Variants in SI observed in about 807,000 individuals in gnomAD.
SI encodes the protein sucrase-isomaltase, intestinal.
In SI, 235 loss-of-function variants were observed where a neutral mutation model predicts 253.3. The observed-to-expected ratio is 0.93, with a 90% CI of 0.83 to 1.03. The LOEUF is 1.03. Among genes scored for constraint, SI ranks in the 50% least tolerant of loss-of-function variants. The pLI, the probability that SI is intolerant of heterozygous loss-of-function variation, is 0.00. For synonymous variants in SI, 819 were observed against 712.0 expected, an observed-to-expected ratio of 1.15 and a Z score of -2.39; for missense variants, 2,442 against 2,211.1, an observed-to-expected ratio of 1.10 and a Z score of -2.09.
At chr3:165,067,908 A>G (rs1714330990) in intron 5 of SI, among the ~76,000 whole-genome samples, 1 of 151,914 alleles carries the variant, frequency 6.6e-6, no homozygotes, top group Non-Finnish European at 1.5e-5. Context: ...AAAAAATTAT[A>G]GAAACTAAAA....
chr3:165,052,332 C>T (rs146118708), intron 13 of SI, among the ~76,000 whole-genome samples: 4 of 152,194 alleles, frequency 2.6e-5, no homozygotes, highest in South Asian at 2.1e-4. Flanking sequence ...AGGCAAAAGC[C>T]TCAGTGGACT....
At chr3:165,061,354 G>A (rs1487010887) in intron 9 of SI, among the ~76,000 whole-genome samples, 1 of 151,916 alleles carries the variant, frequency 6.6e-6, no homozygotes, top group Non-Finnish European at 1.5e-5. Context: ...AAGTCTATAT[G>A]TAGGCCAGCC....
chr3:165,046,726 A>C, intron 16 of SI, 115 bp downstream of exon 16: 1 of 867,016 alleles, frequency 1.2e-6, no homozygotes, highest in Non-Finnish European at 1.8e-6. Context: ...AAAATAAAAA[A>C]CTGAATTATT....
At chr3:165,059,515 T>C (rs567811615) in intron 10 of SI, among the ~76,000 whole-genome samples, 1 of 152,166 alleles carries the variant, frequency 6.6e-6, no homozygotes, top group South Asian at 2.1e-4. Context: ...TTCATATTTG[T>C]CAGTGATAAT....
intron 25 of SI, among the ~76,000 whole-genome samples, chr3:165,027,550 C>T (rs1319230191): frequency 6.6e-6 from 1 of 151,256 alleles, no homozygotes; most frequent in African/African-American, 2.4e-5. Flanking sequence ...TGCAAGAATC[C>T]TTAACAAAAT....
chr3:164,983,129 C>T (rs1717275684), intron 45 of SI, 78 bp from the exon 46 acceptor site: 4 of 1,373,542 alleles, frequency 2.9e-6, no homozygotes, highest in East Asian at 2.5e-5. Flanking sequence ...TACTTTGCTT[C>T]TCTTTCCCAG....
intron 37 of SI, among the ~76,000 whole-genome samples, chr3:165,002,098 T>C (rs973764039): frequency 2.2e-4 from 34 of 151,716 alleles, no homozygotes; most frequent in African/African-American, 7.2e-4. Context: ...TAATGAATAG[T>C]AGGTACTAAT....
intron 6 of SI, 127 bp downstream of exon 6, chr3:165,067,213 T>G (rs1714289611): frequency 1.5e-6 from 1 of 674,358 alleles, no homozygotes; most frequent in South Asian, 2.3e-5. Context: ...ACCGTAATTT[T>G]TATAAACCTA....
chr3:164,979,353 TG>T lies in SI; in HGVS notation c.*8del. The T allele has an allele frequency of 6.4e-7, 1 of 1,552,078 alleles. No individual in the cohort carries two copies. Among genetic ancestry groups the T allele is most frequent in the Non-Finnish European group, 8.9e-7 (1 of 1,125,410 alleles). On this transcript the variant is annotated 3_prime_UTR_variant, in exon 48 of 48. Coordinates refer to ENST00000264382, the MANE Select transcript of SI (RefSeq NM_001041.4). ...TTTTCCCATTGACAACTAAAATTGA[TG>T]GTGATCTTCATGACCAGTTGATTTC...
intron 44 of SI, 117 bp downstream of exon 44, chr3:164,991,236 G>T: frequency 9.2e-7 from 1 of 1,090,510 alleles, no homozygotes; most frequent in Non-Finnish European, 1.4e-6. Context: ...TGTTACTGAG[G>T]CAGGCTAATG....
intron 37 of SI, among the ~76,000 whole-genome samples, chr3:165,002,358 G>C (rs1718294302): frequency 6.6e-6 from 1 of 151,672 alleles, no homozygotes; most frequent in South Asian, 2.1e-4. Context: ...TTTGCCATTA[G>C]TGTCCATGAT....
upstream of SI, among the ~76,000 whole-genome samples, chr3:165,081,226 A>C (rs1715310949): frequency 6.6e-6 from 1 of 152,002 alleles, no homozygotes; most frequent in South Asian, 2.1e-4. Context: ...AACAAATATA[A>C]ATTCTTAAAA....
intron 45 of SI, among the ~76,000 whole-genome samples, chr3:164,984,123 A>G (rs75911697): frequency 0.048 from 7,324 of 152,150 alleles, 602 homozygotes; most frequent in African/African-American, 0.17. Context: ...CTGGAATCAA[A>G]CCCAGTCTTC....
At chr3:164,983,600 AT>A (rs1200833776) in intron 45 of SI, among the ~76,000 whole-genome samples, 1 of 151,920 alleles carries the variant, frequency 6.6e-6, no homozygotes, top group Admixed American at 6.6e-5. Context: ...TTTAGTTTTT[AT>A]TTTTTTAAGA....
intron 34 of SI, among the ~76,000 whole-genome samples, chr3:165,010,796 G>A (rs1399085470): frequency 6.6e-6 from 1 of 152,126 alleles, no homozygotes; most frequent in East Asian, 1.9e-4. Context: ...GAATCCCAGG[G>A]AATTCTGCAT....
chr3:165,038,816 T>C (rs1156826439), intron 20 of SI, among the ~76,000 whole-genome samples: 1 of 152,024 alleles, frequency 6.6e-6, no homozygotes, highest in Non-Finnish European at 1.5e-5. Context: ...ACCTTTTATT[T>C]CCAAAATTTA....
chr3:165,014,769 A>G (rs1718948864), intron 33 of SI, among the ~76,000 whole-genome samples: 1 of 152,132 alleles, frequency 6.6e-6, no homozygotes, highest in Admixed American at 6.6e-5. Context: ...TGTTGTTGCT[A>G]CTATTAACAT....
At chr3:164,979,914 T>G (rs1717099364) in intron 47 of SI, among the ~76,000 whole-genome samples, 1 of 151,876 alleles carries the variant, frequency 6.6e-6, no homozygotes, top group African/African-American at 2.4e-5. Context: ...GTTACTTTAT[T>G]TCACTGGAGA....
intron 26 of SI, 68 bp downstream of exon 26, chr3:165,023,502 C>T: frequency 9.6e-7 from 1 of 1,039,404 alleles, no homozygotes; most frequent in Admixed American, 1.7e-5. Flanking sequence ...AAATATCAAT[C>T]ACAGGATTAT....
Sources: allele counts gnomAD v4.1 joint callset (sites outside exome capture counted in the v4.1 genomes callset), GRCh38; gene constraint gnomAD v4.1.1; transcripts MANE v1.5; gene names NCBI Gene and HGNC (gene_info 2026-07-23, HGNC 2026-07-21).